ZFAT: variants seen among roughly 807,000 people sequenced by gnomAD.
ZFAT encodes zinc finger and AT-hook domain containing.
A neutral mutation model predicts 117.7 loss-of-function variants in ZFAT; 64 were observed. The observed-to-expected ratio is 0.54, with a 90% CI of 0.44 to 0.67. ZFAT has a LOEUF of 0.67. Ranked by LOEUF, ZFAT falls within the 30% of genes least tolerant of loss-of-function variation. ZFAT has a pLI of 0.00. For missense variants in ZFAT, 1,433 were observed against 1,584.5 expected (o/e 0.90, Z 1.62); for synonymous variants, 679 against 615.0 (o/e 1.10, Z -1.54).
chr8:134,660,997 A>G (rs1831897401), intron 1 of ZFAT, among the ~76,000 whole-genome samples: 3 of 152,264 alleles, frequency 2.0e-5, no homozygotes, highest in Admixed American at 2.0e-4. Flanking sequence ...CTGGACCTGG[A>G]GCTCCCGAGG....
intron 12 of ZFAT, among the ~76,000 whole-genome samples, chr8:134,528,085 C>T (rs903225716): frequency 2.6e-5 from 4 of 152,230 alleles, no homozygotes; most frequent in African/African-American, 9.6e-5. Flanking sequence ...CTTCCTTCTC[C>T]TCCTCTTTCT....
chr8:134,724,417 A>C, the ZFAT span, among the ~76,000 whole-genome samples: 2 of 152,188 alleles, frequency 1.3e-5, no homozygotes, highest in Non-Finnish European at 2.9e-5. Context: ...TACTCCTTTA[A>C]TTTTAGAAGC....
At chr8:134,733,144 T>G in the ZFAT span, among the ~76,000 whole-genome samples, 1 of 152,206 alleles carries the variant, frequency 6.6e-6, no homozygotes, top group Non-Finnish European at 1.5e-5. Context: ...CATCTCCTAA[T>G]GCTATAAAAA....
chr8:134,772,129 A>T, the ZFAT span, among the ~76,000 whole-genome samples: 1 of 152,212 alleles, frequency 6.6e-6, no homozygotes, highest in Non-Finnish European at 1.5e-5. Flanking sequence ...AGACACAACA[A>T]TATTGAAATT....
intron 3 of ZFAT, among the ~76,000 whole-genome samples, chr8:134,616,414 C>A (rs1280281836): frequency 1.3e-5 from 2 of 152,214 alleles, no homozygotes; most frequent in African/African-American, 4.8e-5. Context: ...CTTGACCCAC[C>A]TTTGTACTTT....
chr8:134,667,307 A>G (rs112936756), intron 1 of ZFAT, among the ~76,000 whole-genome samples: 142 of 152,218 alleles, frequency 9.3e-4, no homozygotes, highest in African/African-American at 3.3e-3. Context: ...CCTGGCTAAC[A>G]CAGTGAAACT....
chr8:134,645,928 C>T (rs550602931), intron 2 of ZFAT, among the ~76,000 whole-genome samples: 3 of 152,098 alleles, frequency 2.0e-5, no homozygotes, highest in South Asian at 2.1e-4. Flanking sequence ...CTGAGCCAGG[C>T]GCAGTGGCTC....
the ZFAT span, among the ~76,000 whole-genome samples, chr8:134,790,466 G>A: frequency 3.3e-5 from 5 of 152,226 alleles, no homozygotes; most frequent in Admixed American, 1.3e-4. Context: ...TAACGTAGCC[G>A]TTAGGGGGTA....
chr8:134,674,358 C>T (rs2131274344), intron 1 of ZFAT, among the ~76,000 whole-genome samples: 1 of 152,344 alleles, frequency 6.6e-6, no homozygotes, highest in Non-Finnish European at 1.5e-5. Context: ...GCTCGAAATT[C>T]TCACTGCTAG....
At chr8:134,578,979 T>G (rs1475391004) in intron 10 of ZFAT, among the ~76,000 whole-genome samples, 1 of 152,162 alleles carries the variant, frequency 6.6e-6, no homozygotes, top group Non-Finnish European at 1.5e-5. Flanking sequence ...TTTACACTTT[T>G]CAAAGTTCGT....
the ZFAT span, among the ~76,000 whole-genome samples, chr8:134,760,911 A>C: frequency 1.3e-5 from 2 of 152,234 alleles, no homozygotes; most frequent in Admixed American, 1.3e-4. Flanking sequence ...GGGATCCAGG[A>C]GAGGCTTCTT....
At chr8:134,633,249 C>A (rs926582446) in intron 3 of ZFAT, among the ~76,000 whole-genome samples, 2 of 152,246 alleles carry the variant, frequency 1.3e-5, no homozygotes, top group African/African-American at 2.4e-5. Flanking sequence ...ATAGTGCCTA[C>A]CTCTTAGCTG....
rs368396173 is a variant in ZFAT at position 134,619,618 on chromosome 8, G to A, written c.449-8963C>T. On this transcript the variant is annotated intron_variant, in intron 3 of 15. Coordinates refer to ENST00000377838, the MANE Select transcript of ZFAT (RefSeq NM_020863.4). ...CCTATTTCACTGGAAGTCTTCCACC[G>A]TGCCCAAAACATCATAGATAGTAAA... Among the ~76,000 whole-genome samples the A allele has an allele frequency of 1.1e-3, 160 of 152,266 alleles. 2 individuals carry two copies. The highest frequency in any genetic ancestry group is 3.6e-3 in the African/African-American group (150 of 41,546).
the ZFAT span, among the ~76,000 whole-genome samples, chr8:134,830,557 G>A: frequency 6.6e-6 from 1 of 152,244 alleles, no homozygotes; most frequent in Non-Finnish European, 1.5e-5. Context: ...GAGCAAGTGA[G>A]TATATGCCGA....
At chr8:134,697,021 G>A (rs962608161) in intron 1 of ZFAT, among the ~76,000 whole-genome samples, 5 of 148,056 alleles carry the variant, frequency 3.4e-5, no homozygotes, top group Non-Finnish European at 4.5e-5. Context: ...AGGTTCAAGC[G>A]ATCCTCCCAC....
chr8:134,581,580 CT>C (rs962912226), intron 10 of ZFAT, among the ~76,000 whole-genome samples: 44 of 152,068 alleles, frequency 2.9e-4, no homozygotes, highest in Admixed American at 2.0e-3. Context: ...TGATGCCTTT[CT>C]TTTTTTTGGC....
At chr8:134,772,835 A>G in the ZFAT span, among the ~76,000 whole-genome samples, 1 of 152,036 alleles carries the variant, frequency 6.6e-6, no homozygotes, top group Non-Finnish European at 1.5e-5. Flanking sequence ...CTGAGATGGG[A>G]GGATCACTTG....
intron 1 of ZFAT, among the ~76,000 whole-genome samples, chr8:134,702,043 T>C (rs1174809734): frequency 6.6e-6 from 1 of 152,158 alleles, no homozygotes; most frequent in African/African-American, 2.4e-5. Flanking sequence ...AGAGTCCTGA[T>C]CATAGTACAT....
At chr8:134,787,168 T>C in the ZFAT span, among the ~76,000 whole-genome samples, 1 of 152,150 alleles carries the variant, frequency 6.6e-6, no homozygotes, top group Non-Finnish European at 1.5e-5. Flanking sequence ...TCTTATTGAT[T>C]AATTTTGCCA....
Sources: allele counts gnomAD v4.1 joint callset (sites outside exome capture counted in the v4.1 genomes callset), GRCh38; gene constraint gnomAD v4.1.1; transcripts MANE v1.5; gene names NCBI Gene and HGNC (gene_info 2026-07-23, HGNC 2026-07-21).